EVC: variants seen among roughly 807,000 people sequenced by gnomAD.
The protein encoded by EVC is EvC ciliary complex subunit 1.
In EVC, 116 loss-of-function variants were observed where a neutral mutation model predicts 118.9. The observed-to-expected ratio is 0.98, with a 90% CI of 0.84 to 1.14. EVC has a LOEUF of 1.14. Among genes scored for constraint, EVC ranks in the 50% most tolerant of loss-of-function variants. The pLI, the probability that EVC is intolerant of heterozygous loss-of-function variation, is 0.00. For synonymous variants in EVC, 619 were observed against 534.7 expected, an observed-to-expected ratio of 1.16 and a Z score of -2.18; for missense variants, 1,401 against 1,246.4, an observed-to-expected ratio of 1.12 and a Z score of -1.87.
intron 12 of EVC, among the ~76,000 whole-genome samples, chr4:5,786,476 G>A (rs2152301284): frequency 6.6e-6 from 1 of 152,332 alleles, no homozygotes; most frequent in African/African-American, 2.4e-5. Flanking sequence ...AAGCAAGCAG[G>A]AGAGTTAATG....
rs1328703838 is a variant in EVC at position 5,754,753 on chromosome 4, C to G, written c.1464+820C>G. On this transcript the variant is annotated intron_variant, in intron 10 of 20. Transcript: ENST00000264956. The surrounding 1 kb of genome is among the most constrained non-coding windows in gnomAD (Gnocchi z 5.8). ...ATGTTGCTTACCCTCTGGCCCTCAG[C>G]TTCCACATCTGTGAAATGGGCATAA... 6.6e-6 allele frequency among the ~76,000 whole-genome samples: 1 copy of G among 152,140 alleles called. No homozygotes were observed. Among genetic ancestry groups the G allele is most frequent in the Non-Finnish European group, 1.5e-5 (1 of 68,020 alleles).
intron 1 of EVC, among the ~76,000 whole-genome samples, chr4:5,717,892 C>T (rs1026841771): frequency 6.6e-6 from 1 of 152,192 alleles, no homozygotes; most frequent in African/African-American, 2.4e-5. Context: ...TTGCCTCTTT[C>T]TTCTCTCACT....
At chr4:5,782,087 A>G (rs1176106225) in intron 11 of EVC, among the ~76,000 whole-genome samples, 1 of 152,002 alleles carries the variant, frequency 6.6e-6, no homozygotes, top group Non-Finnish European at 1.5e-5. Flanking sequence ...GTTTGTTTTT[A>G]TATTTTTTGA....
rs1242171294 is a variant in EVC at position 5,756,104 on chromosome 4, G to A, written c.1465-160G>A. Among the ~76,000 whole-genome samples the A allele has an allele frequency of 6.6e-6, 1 of 152,060 alleles. No homozygotes were observed. The highest frequency in any genetic ancestry group is 1.5e-5 in the Non-Finnish European group (1 of 68,030). ...GCTGACCCTGGCATCAGCTGTGAAA[G>A]CCATGTGACAGCCCCATGCCTCAGT... On this transcript the variant is annotated intron_variant, in intron 10 of 20. Coordinates refer to ENST00000264956, the MANE Select transcript of EVC (RefSeq NM_153717.3). This position sits in a 1 kb window ranked among gnomAD's most constrained non-coding sequence, Gnocchi z 4.2.
At position 5,804,802 on chromosome 4, in the gene EVC, C is replaced by T. The variant is rs1378303023; in HGVS notation, c.2522C>T (p.Ala841Val). 2.5e-6 allele frequency: 4 copies of T among 1,614,026 alleles called. No homozygotes were observed. The highest frequency in any genetic ancestry group is 2.2e-5 in the East Asian group (1 of 44,878). Residue 841 changes from alanine to valine, a missense_variant, in exon 17 of 21, where the codon GCA becomes GTA. Transcript: ENST00000264956. ...AACCCTTCGTCGGGCAGCAGGACGG[C>T]AGGTGGCGCTCATGAGACCTCCCAG... ...LSNPSSGSRT[A>V]GGAHETSQAV...
chr4:5,810,965 G>A lies in EVC; in HGVS notation c.2907G>A (p.Leu969=). The A allele has an allele frequency of 6.2e-7, 1 of 1,612,616 alleles. No homozygotes were observed. Among genetic ancestry groups the A allele is most frequent in the East Asian group, 2.2e-5 (1 of 44,808 alleles). Reference sequence around the variant, plus strand: ...TCTCTGTTTTAAGCAGCAAAAGGCTGAGTCAGCAAGAAAGTGAAGCTGGGG... The same window carrying A: ...TCTCTGTTTTAAGCAGCAAAAGGCTAAGTCAGCAAGAAAGTGAAGCTGGGG... ...QTSGSLSSKR[L]SQQESEAGDS... Residue 969 remains leucine, a synonymous_variant, in exon 21 of 21, where the codon CTG becomes CTA. Coordinates refer to ENST00000264956, the MANE Select transcript of EVC (RefSeq NM_153717.3).
At chr4:5,817,975 A>G (rs1323306815), downstream of EVC, among the ~76,000 whole-genome samples, 3 of 152,334 alleles carry the variant, frequency 2.0e-5, no homozygotes, top group East Asian at 5.8e-4. Context: ...GGAGGCAAAG[A>G]TAGACAAACC....
intron 1 of EVC, among the ~76,000 whole-genome samples, chr4:5,713,299 C>T (rs1386642248): frequency 6.6e-6 from 1 of 152,122 alleles, no homozygotes; most frequent in Non-Finnish European, 1.5e-5. Context: ...CTGTCTCCTC[C>T]CTCTAGTTTT....
At chr4:5,773,823 C>A (rs1430701883) in intron 11 of EVC, among the ~76,000 whole-genome samples, 2 of 152,126 alleles carry the variant, frequency 1.3e-5, no homozygotes, top group East Asian at 3.9e-4. Flanking sequence ...CCAGGACCCA[C>A]TTGTCAGGGG....
At position 5,712,465 on chromosome 4, in the gene EVC, G is replaced by T. The variant is rs143373969; in HGVS notation, c.174+911G>T. Reference sequence around the variant, plus strand: ...AATTGGCTGTGCATGGCAACACCTGGCATATAGCAGGCATTCCATGAATAG... The same window carrying T: ...AATTGGCTGTGCATGGCAACACCTGTCATATAGCAGGCATTCCATGAATAG... On this transcript the variant is annotated intron_variant, in intron 1 of 20. Transcript: ENST00000264956. Among the ~76,000 whole-genome samples, 631 of 152,316 alleles carry T rather than the reference G, an allele frequency of 4.1e-3. 7 individuals carry two copies. Among genetic ancestry groups the T allele is most frequent in the African/African-American group, 0.013 (539 of 41,562 alleles).
At chr4:5,792,939 C>T (rs575475641) in intron 12 of EVC, among the ~76,000 whole-genome samples, 1 of 152,116 alleles carries the variant, frequency 6.6e-6, no homozygotes, top group Non-Finnish European at 1.5e-5. Context: ...GGGTGGAAAA[C>T]TCAGTTTTCC....
chr4:5,744,748 T>C (rs1313469901), intron 6 of EVC, among the ~76,000 whole-genome samples: 1 of 152,140 alleles, frequency 6.6e-6, no homozygotes, highest in Non-Finnish European at 1.5e-5. Context: ...CCTCCCCTGA[T>C]TGGCCCATCA....
intron 15 of EVC, among the ~76,000 whole-genome samples, chr4:5,800,884 C>G (rs77336642): frequency 6.6e-6 from 1 of 152,182 alleles, no homozygotes; most frequent in Non-Finnish European, 1.5e-5. Flanking sequence ...GCTCAGGTAC[C>G]TTTCTCAGAT....
intron 11 of EVC, among the ~76,000 whole-genome samples, chr4:5,783,006 G>C (rs574420892): frequency 1.3e-5 from 2 of 151,256 alleles, no homozygotes; most frequent in Non-Finnish European, 3.0e-5. Flanking sequence ...GAAGGTTGGC[G>C]AGGAGAGCAG....
intron 11 of EVC, among the ~76,000 whole-genome samples, chr4:5,770,564 G>A (rs753227171): frequency 2.6e-5 from 4 of 152,158 alleles, no homozygotes; most frequent in East Asian, 1.9e-4. Flanking sequence ...GTAGTGATTC[G>A]GAGAACACAA....
intron 5 of EVC, among the ~76,000 whole-genome samples, chr4:5,740,184 A>C (rs2151987311): frequency 6.6e-6 from 1 of 151,980 alleles, no homozygotes; most frequent in African/African-American, 2.4e-5. Context: ...TTTAGAAAAA[A>C]TATTGCCAGG....
intron 18 of EVC, 64 bp from the exon 19 acceptor site, chr4:5,809,454 G>T: frequency 7.0e-7 from 1 of 1,418,646 alleles, no homozygotes; most frequent in Non-Finnish European, 1.0e-6. Flanking sequence ...TCACTCACGT[G>T]GAGAGGGATT....
chr4:5,818,760 C>G (rs12507829), downstream of EVC, among the ~76,000 whole-genome samples: 62,376 of 152,074 alleles, frequency 0.41, 13,960 homozygotes, highest in East Asian at 0.61. Context: ...AGCACCACCC[C>G]AACCTTGGAC....
At chr4:5,728,792 T>C (rs973885689) in intron 2 of EVC, among the ~76,000 whole-genome samples, 2 of 152,264 alleles carry the variant, frequency 1.3e-5, no homozygotes, top group Non-Finnish European at 2.9e-5. Flanking sequence ...TTCTGTGTGT[T>C]TGCTTTTTCT....
Sources: allele counts gnomAD v4.1 joint callset (sites outside exome capture counted in the v4.1 genomes callset), GRCh38; gene constraint gnomAD v4.1.1; non-coding constraint Gnocchi (gnomAD v3.1); transcripts MANE v1.5; gene names NCBI Gene and HGNC (gene_info 2026-07-23, HGNC 2026-07-21).